PRKCG: variants seen among roughly 807,000 people sequenced by gnomAD.
The protein encoded by PRKCG is protein kinase C gamma.
In PRKCG, 28 loss-of-function variants were observed where a neutral mutation model predicts 82.0. The ratio of observed to expected loss-of-function variants is 0.34; its 90% CI spans 0.25 to 0.47. The LOEUF is 0.47. Among genes scored for constraint, PRKCG ranks in the 20% least tolerant of loss-of-function variants. The probability of loss-of-function intolerance (pLI) is 1.00; values close to 1 mark genes in which losing one functional copy is unlikely to be tolerated. For synonymous variants in PRKCG, 383 were observed against 376.6 expected, an observed-to-expected ratio of 1.02 and a Z score of -0.20; for missense variants, 640 against 952.7, an observed-to-expected ratio of 0.67 and a Z score of 4.32.
In PRKCG at chr19:53,900,386, CCTT is replaced by C; in HGVS notation, c.1374-30_1374-28del. The C allele has an allele frequency of 2.5e-6, 4 of 1,614,078 alleles. No individual in the cohort carries two copies. Among genetic ancestry groups the C allele is most frequent in the Non-Finnish European group, 3.4e-6 (4 of 1,179,950 alleles). Reference sequence around the variant, plus strand: ...GAAGGGGGCAGGATCCAGCCACTGACCTTCTGACGTCCCCACCCACCCCGTCCT... The same window carrying C: ...GAAGGGGGCAGGATCCAGCCACTGACCTGACGTCCCCACCCACCCCGTCCT... On this transcript the variant is annotated intron_variant, in intron 12 of 17. Transcript: ENST00000263431. The surrounding 1 kb of genome is among the most constrained non-coding windows in gnomAD (Gnocchi z 4.2).
chr19:53,906,388 CT>C lies in PRKCG; in HGVS notation c.1841del (p.Phe614SerfsTer41), dbSNP rs1568764394. ...GGGAACCTACCATCCGTGCACATGGCTTTTTCCGCTGGATTGACTGGGAGCG... is the reference window on the plus strand; with the variant it reads ...GGGAACCTACCATCCGTGCACATGGCTTTTCCGCTGGATTGACTGGGAGCG... ...DGEPTIRAHG[F>X]FRWIDWERLE... On this transcript the variant is annotated frameshift_variant, in exon 17 of 18. Transcript: ENST00000263431. LOFTEE classifies it high-confidence loss of function. 4 of 1,563,862 alleles carry C rather than the reference CT, an allele frequency of 2.6e-6. No individual in the cohort carries two copies. The highest frequency in any genetic ancestry group is 3.8e-5 in the Admixed American group (2 of 52,942).
chr19:53,904,604 C>T, intron 15 of PRKCG, 31 bp from the exon 16 acceptor site: 2 of 1,591,914 alleles, frequency 1.3e-6, no homozygotes, highest in East Asian at 2.3e-5. Context: ...TTGGGCATGT[C>T]CCTGACTCTC....
chr19:53,889,412 T>C lies in PRKCG; in HGVS notation c.286-226T>C, dbSNP rs1328870489. 6.6e-6 allele frequency among the ~76,000 whole-genome samples: 1 copy of C among 150,598 alleles called. No individual in the cohort carries two copies. Among genetic ancestry groups the C allele is most frequent in the Non-Finnish European group, 1.5e-5 (1 of 68,000 alleles). On this transcript the variant is annotated intron_variant, in intron 3 of 17. Coordinates refer to ENST00000263431, the MANE Select transcript of PRKCG (RefSeq NM_002739.5). This position sits in a 1 kb window ranked among gnomAD's most constrained non-coding sequence, Gnocchi z 4.4. ...TCCCTCCATTAGGAAGTAAACTCCATGTGACAAAGAGGTTTTTTTTTTTCA... is the reference window on the plus strand; with the variant it reads ...TCCCTCCATTAGGAAGTAAACTCCACGTGACAAAGAGGTTTTTTTTTTTCA...
Position 53,882,536 on chromosome 19 carries a change from A to G in PRKCG, c.42A>G (p.Gly14=). The change falls in exon 1 of 18, where the codon GGA becomes GGG. Residue 14 remains glycine, a synonymous_variant. Coordinates refer to ENST00000263431, the MANE Select transcript of PRKCG (RefSeq NM_002739.5). The surrounding 1 kb of genome is among the most constrained non-coding windows in gnomAD (Gnocchi z 6.1). ...CCGGCGTAGGCGATTCAGAGGGGGG[A>G]CCCCGGCCCCTGTTTTGCAGAAAGG... ...LGPGVGDSEG[G]PRPLFCRKGA... 6.2e-7 allele frequency: 1 copy of G among 1,613,684 alleles called. No homozygotes were observed. The highest frequency in any genetic ancestry group is 1.3e-5 in the African/African-American group (1 of 74,876).
chr19:53,906,084 C>CTTCTTCTTCCTCTTCTTCTTCTT (rs1555808689), intron 16 of PRKCG, among the ~76,000 whole-genome samples: 20 of 27,990 alleles, frequency 7.1e-4, no homozygotes, highest in African/African-American at 6.6e-3. Context: ...TCCTCCTCCT[C>CTTCTTCTTCCTCTTCTTCTTCTT]CTTCTTCTTC....
chr19:53,906,093 T>C lies in PRKCG; in HGVS notation c.1765-224T>C, dbSNP rs1365249232. ...TCCTCCTCCTCCTCCTCCTTCTTCT[T>C]CTTCTTCTTCTTCTTCTTCTTCTTC... On this transcript the variant is annotated intron_variant, in intron 16 of 17. Transcript: ENST00000263431. 2.2e-4 allele frequency among the ~76,000 whole-genome samples: 18 copies of C among 81,816 alleles called. 1 individual carries two copies. Among genetic ancestry groups the C allele is most frequent in the African/African-American group, 1.1e-4 (1 of 8,728 alleles). The allele number at this position is 81,816 out of a possible 152,430, so 53.7% of individuals were successfully genotyped here. A position where few individuals can be genotyped will look rare whatever the true frequency, so the allele number is the denominator to read the frequency against.
At chr19:53,902,448 C>T (rs982327014) in intron 14 of PRKCG, among the ~76,000 whole-genome samples, 1 of 152,068 alleles carries the variant, frequency 6.6e-6, no homozygotes, top group Non-Finnish European at 1.5e-5. Context: ...TTGAAAACTA[C>T]ACACATATTC....
At position 53,900,699 on chromosome 19, in the gene PRKCG, G is replaced by C. The variant is rs964697337; in HGVS notation, c.1525G>C (p.Gly509Arg). The change falls in exon 14 of 18, where the codon GGG becomes CGG. Residue 509 changes from glycine (G) to arginine (R), a missense_variant. By Grantham distance (125) the Gly-to-Arg change is moderately radical. Transcript: ENST00000263431. The surrounding 1 kb of genome is among the most constrained non-coding windows in gnomAD (Gnocchi z 4.2). ...CATGTGTAAGGAGAACGTCTTCCCC[G>C]GGACGACAACCCGCACCTTCTGCGG... ...FGMCKENVFP[G>R]TTTRTFCGTP... 1 of 1,614,098 alleles carries C rather than the reference G, an allele frequency of 6.2e-7. No homozygotes were observed. The highest frequency in any genetic ancestry group is 2.2e-5 in the East Asian group (1 of 44,902).
Position 53,884,309 on chromosome 19 carries a change from G to A in PRKCG, c.285+66G>A, listed in dbSNP as rs2068616268. ...CCCCGCCCTCACCCCCTCGGCGTCCGTCCCAATTTCTCCTGCTATTTTTAT... is the reference window on the plus strand; with the variant it reads ...CCCCGCCCTCACCCCCTCGGCGTCCATCCCAATTTCTCCTGCTATTTTTAT... On this transcript the variant is annotated intron_variant, in intron 3 of 17. Transcript: ENST00000263431. This position sits in a 1 kb window ranked among gnomAD's most constrained non-coding sequence, Gnocchi z 4.6. 3 of 1,445,698 alleles carry A rather than the reference G, an allele frequency of 2.1e-6. No homozygotes were observed. Among genetic ancestry groups the A allele is most frequent in the East Asian group, 2.3e-5 (1 of 44,084 alleles). 89.6% of individuals were successfully genotyped at this position (1,445,698 alleles called of 1,614,324 possible).
In PRKCG at chr19:53,900,961, G is replaced by C. The variant is rs1445737967; in HGVS notation, c.1575+212G>C. Among the ~76,000 whole-genome samples the C allele has an allele frequency of 6.6e-6, 1 of 152,220 alleles. No homozygotes were observed. The highest frequency in any genetic ancestry group is 1.5e-5 in the Non-Finnish European group (1 of 68,044). On this transcript the variant is annotated intron_variant, in intron 14 of 17. Transcript: ENST00000263431. This position sits in a 1 kb window ranked among gnomAD's most constrained non-coding sequence, Gnocchi z 4.2. Reference sequence around the variant, plus strand: ...CCCAGCTGGGTCTCTAAATAGGTAAGGTGGGCAGCACCTGTGGGTGAATGT... The same window carrying C: ...CCCAGCTGGGTCTCTAAATAGGTAACGTGGGCAGCACCTGTGGGTGAATGT...
At position 53,900,313 on chromosome 19, in the gene PRKCG, GC is replaced by G; in HGVS notation, c.1366del (p.His456MetfsTer26). 1 of 1,614,128 alleles carries G rather than the reference GC, an allele frequency of 6.2e-7. No homozygotes were observed. Among genetic ancestry groups the G allele is most frequent in the Non-Finnish European group, 8.5e-7 (1 of 1,180,018 alleles). ...TTCAACAGCTGGGCAAGTTTAAGGA[GC>G]CCCATGCAGCGTGAGTCTCGGCCAA... is the stretch of plus-strand genomic sequence containing the variant. ...HIQQLGKFKEPHAAFYAAEIA... is the reference protein window; with the variant it reads ...HIQQLGKFKEXHAAFYAAEIA... On this transcript the variant is annotated frameshift_variant, in exon 12 of 18. Transcript: ENST00000263431. LOFTEE classifies it high-confidence loss of function. The surrounding 1 kb of genome is among the most constrained non-coding windows in gnomAD (Gnocchi z 4.2).
chr19:53,892,471 G>C lies in PRKCG; in HGVS notation c.687-38G>C. The C allele has an allele frequency of 6.3e-7, 1 of 1,598,970 alleles. No homozygotes were observed. Among genetic ancestry groups the C allele is most frequent in the South Asian group, 1.1e-5 (1 of 89,646 alleles). On this transcript the variant is annotated intron_variant, in intron 6 of 17. Coordinates refer to ENST00000263431, the MANE Select transcript of PRKCG (RefSeq NM_002739.5). This position sits in a 1 kb window ranked among gnomAD's most constrained non-coding sequence, Gnocchi z 5.9. ...GATGGGGAACCGAGGGGAGCCATGA[G>C]CTCGGCTCTGCACCCCATCCACCCC...
In PRKCG at chr19:53,906,833, C is replaced by G. The variant is rs778652037; in HGVS notation, c.2032C>G (p.Pro678Ala). The G allele has an allele frequency of 1.2e-6, 2 of 1,613,752 alleles. No homozygotes were observed. Among genetic ancestry groups the G allele is most frequent in the South Asian group, 1.1e-5 (1 of 91,084 alleles). The change falls in exon 18 of 18, where the codon CCC becomes GCC. Residue 678 changes from proline (P) to alanine (A), a missense_variant. Physicochemically the swap from Pro to Ala is conservative, Grantham distance 27 (BLOSUM62 -1). Transcript: ENST00000263431. Reference protein sequence around the residue: ...ADFQGFTYVNPDFVHPDARSP... With the variant: ...ADFQGFTYVNADFVHPDARSP... ...TTTCCAGGGCTTCACCTACGTGAAC[C>G]CCGACTTCGTGCACCCGGATGCCCG...
chr19:53,898,322 C>T (rs1044744931), intron 10 of PRKCG, 118 bp from the exon 11 acceptor site: 10 of 1,417,506 alleles, frequency 7.1e-6, no homozygotes, highest in Non-Finnish European at 9.9e-6. Context: ...GCTGTCAGTC[C>T]CTTAAGAGAT....
Position 53,900,961 on chromosome 19 carries a change from G to A in PRKCG, c.1575+212G>A, listed in dbSNP as rs1445737967. The stretch of plus-strand genomic sequence containing the variant: ...CCCAGCTGGGTCTCTAAATAGGTAA[G>A]GTGGGCAGCACCTGTGGGTGAATGT... On this transcript the variant is annotated intron_variant, in intron 14 of 17. Transcript: ENST00000263431. This position sits in a 1 kb window ranked among gnomAD's most constrained non-coding sequence, Gnocchi z 4.2. 6.6e-6 allele frequency among the ~76,000 whole-genome samples: 1 copy of A among 152,220 alleles called. No individual in the cohort carries two copies. The highest frequency in any genetic ancestry group is 1.5e-5 in the Non-Finnish European group (1 of 68,044).
chr19:53,893,637 C>G (rs2068696293), intron 9 of PRKCG, among the ~76,000 whole-genome samples: 1 of 152,046 alleles, frequency 6.6e-6, no homozygotes, highest in Admixed American at 6.6e-5. Flanking sequence ...TAGAGGTAGC[C>G]CAGGGCACTG....
intron 9 of PRKCG, among the ~76,000 whole-genome samples, chr19:53,894,661 T>C (rs1345756943): frequency 3.9e-5 from 6 of 151,976 alleles, no homozygotes; most frequent in Non-Finnish European, 1.5e-5. Flanking sequence ...GGTTTCGACA[T>C]GTTGGCCAGG....
In PRKCG at chr19:53,898,073, A is replaced by G; in HGVS notation, c.1054A>G (p.Ser352Gly). Residue 352 changes from serine to glycine, a missense_variant, in exon 10 of 18, where the codon AGC becomes GGC. By Grantham distance (56) the Ser-to-Gly change is moderately conservative. Around this residue, in one of 7 missense-constraint regions of PRKCG, gnomAD observed 261 missense variants for 312.1 expected, o/e 0.84. Transcript: ENST00000263431. The part of the protein sequence containing the change: ...SPGRLHISDF[S>G]FLMVLGKGSF... The stretch of plus-strand genomic sequence containing the variant: ...AGGACGCCTGCACATCTCCGACTTC[A>G]GCTTCCTCATGGTTCTAGGAAAAGG... The G allele has an allele frequency of 4.3e-6, 7 of 1,614,020 alleles. No homozygotes were observed. The highest frequency in any genetic ancestry group is 5.1e-6 in the Non-Finnish European group (6 of 1,180,006).
chr19:53,882,693 G>C lies in PRKCG; in HGVS notation c.170+29G>C. On this transcript the variant is annotated intron_variant, in intron 1 of 17. Transcript: ENST00000263431. This position sits in a 1 kb window ranked among gnomAD's most constrained non-coding sequence, Gnocchi z 6.1. Reference sequence around the variant, plus strand: ...AGGGAAGGGGGCTGGGGGACTGGGGGACGAGGGGACTAGGGGTGCAGACTC... The same window carrying C: ...AGGGAAGGGGGCTGGGGGACTGGGGCACGAGGGGACTAGGGGTGCAGACTC... 1 of 1,458,122 alleles carries C rather than the reference G, an allele frequency of 6.9e-7. No homozygotes were observed. The highest frequency in any genetic ancestry group is 1.4e-5 in the African/African-American group (1 of 71,216). 90.3% of individuals were successfully genotyped at this position (1,458,122 alleles called of 1,614,324 possible).
Sources: allele counts gnomAD v4.1 joint callset (sites outside exome capture counted in the v4.1 genomes callset), GRCh38; gene constraint gnomAD v4.1.1; regional missense constraint gnomAD v4.1.1; non-coding constraint Gnocchi (gnomAD v3.1); transcripts MANE v1.5; gene names NCBI Gene and HGNC (gene_info 2026-07-23, HGNC 2026-07-21).